Variants in ROR1 observed in about 807,000 individuals in gnomAD.
ROR1 encodes the protein inactive tyrosine-protein kinase transmembrane receptor ROR1.
Under a neutral mutation model 78.8 loss-of-function variants are expected in ROR1, and 19 were observed. The ratio of observed to expected loss-of-function variants is 0.24; its 90% CI spans 0.17 to 0.35. The LOEUF (loss-of-function observed/expected upper bound fraction) is 0.35, where lower values mean the gene tolerates loss of function less well. Ranked by LOEUF, ROR1 falls within the 10% of genes least tolerant of loss-of-function variation. The pLI is 1.00. For synonymous variants in ROR1, 386 were observed against 433.6 expected (o/e 0.89, Z 1.36); for missense variants, 917 against 1,177.8 (o/e 0.78, Z 3.24).
chr1:64,012,365 G>A (rs930372512), intron 2 of ROR1, among the ~76,000 whole-genome samples: 3 of 152,188 alleles, frequency 2.0e-5, no homozygotes, highest in African/African-American at 7.2e-5. Flanking sequence ...CAAAACCTCA[G>A]CCTGTACTAC....
At chr1:63,854,425 AT>A (rs1342179217) in intron 1 of ROR1, among the ~76,000 whole-genome samples, 2 of 152,102 alleles carry the variant, frequency 1.3e-5, no homozygotes, top group African/African-American at 4.8e-5. Context: ...TTTTCTACAT[AT>A]TTTCCAACAG....
chr1:63,819,638 A>G (rs1388746080), intron 1 of ROR1, among the ~76,000 whole-genome samples: 2 of 152,214 alleles, frequency 1.3e-5, no homozygotes, highest in African/African-American at 4.8e-5. Context: ...GAAAGGCAGT[A>G]GAGAGAAGAA....
intron 1 of ROR1, among the ~76,000 whole-genome samples, chr1:63,799,443 G>A (rs1644782104): frequency 6.6e-6 from 1 of 152,196 alleles, no homozygotes; most frequent in Admixed American, 6.5e-5. Flanking sequence ...AGAATTCCAT[G>A]TTATCACTTG....
Position 63,993,293 on chromosome 1 carries a change from T to C in ROR1, c.92-16012T>C, listed in dbSNP as rs77776378. Among the ~76,000 whole-genome samples the C allele has an allele frequency of 5.7e-3, 872 of 152,272 alleles. 10 individuals are homozygous for C. The highest frequency in any genetic ancestry group is 0.02 in the African/African-American group (844 of 41,558). ...GGGCATACCTCAGAAGAAACACTTG[T>C]CATTTGACAGAGGAATCTTTGAGAA... On this transcript the variant is annotated intron_variant, in intron 1 of 8. Transcript: ENST00000371079.
chr1:64,091,872 G>A (rs958840640), intron 4 of ROR1, among the ~76,000 whole-genome samples: 6 of 152,142 alleles, frequency 3.9e-5, no homozygotes, highest in Admixed American at 3.3e-4. Context: ...GAAGCGATGG[G>A]TATGAGCAGT....
intron 1 of ROR1, among the ~76,000 whole-genome samples, chr1:63,795,494 T>G (rs1644754947): frequency 6.6e-6 from 1 of 152,190 alleles, no homozygotes; most frequent in Non-Finnish European, 1.5e-5. Flanking sequence ...GATCTGACAC[T>G]GGGTCAGGGA....
At chr1:63,999,506 C>T (rs957841184) in intron 1 of ROR1, among the ~76,000 whole-genome samples, 2 of 152,156 alleles carry the variant, frequency 1.3e-5, no homozygotes, top group African/African-American at 4.8e-5. Context: ...TTTGTCCTTC[C>T]CAGGCCCCTA....
intron 1 of ROR1, among the ~76,000 whole-genome samples, chr1:63,920,907 GT>G (rs1297964027): frequency 3.3e-5 from 5 of 152,174 alleles, no homozygotes; most frequent in Non-Finnish European, 7.3e-5. Flanking sequence ...TAGTAAGAAT[GT>G]TGGACACTTG....
chr1:63,959,473 T>C (rs1646010709), intron 1 of ROR1, among the ~76,000 whole-genome samples: 2 of 152,178 alleles, frequency 1.3e-5, no homozygotes, highest in African/African-American at 4.8e-5. Flanking sequence ...AGAGCAGAGA[T>C]GTGCAATGGC....
chr1:63,834,618 G>A (rs986185348), intron 1 of ROR1, among the ~76,000 whole-genome samples: 2 of 152,134 alleles, frequency 1.3e-5, no homozygotes, highest in Non-Finnish European at 2.9e-5. Flanking sequence ...CTCTTAAAAT[G>A]GATTTTTCCA....
In ROR1 at chr1:63,909,325, A is replaced by G. The variant is rs148324128; in HGVS notation, c.92-99980A>G. Reference sequence around the variant, plus strand: ...GTAAGTACTTACAAACAAAAATTCAATTGCTTTTAGTGAATGGATTTTATT... The same window carrying G: ...GTAAGTACTTACAAACAAAAATTCAGTTGCTTTTAGTGAATGGATTTTATT... On this transcript the variant is annotated intron_variant, in intron 1 of 8. Transcript: ENST00000371079. Among the ~76,000 whole-genome samples, 1,394 of 152,256 alleles carry G rather than the reference A, an allele frequency of 9.2e-3. 28 individuals are homozygous for G. Among genetic ancestry groups the G allele is most frequent in the African/African-American group, 0.031 (1,268 of 41,530 alleles).
At chr1:63,846,744 G>C (rs1645084202) in intron 1 of ROR1, among the ~76,000 whole-genome samples, 1 of 152,212 alleles carries the variant, frequency 6.6e-6, no homozygotes, top group Admixed American at 6.5e-5. Flanking sequence ...GTGATGTAAA[G>C]TTATAAATGC....
At chr1:64,132,641 T>A (rs1352029740) in intron 4 of ROR1, among the ~76,000 whole-genome samples, 1 of 150,872 alleles carries the variant, frequency 6.6e-6, no homozygotes, top group East Asian at 2.0e-4. Context: ...ACGCCTCTAA[T>A]CCCAGCTACT....
intron 1 of ROR1, among the ~76,000 whole-genome samples, chr1:63,867,989 G>A (rs943840917): frequency 1.3e-5 from 2 of 152,184 alleles, no homozygotes; most frequent in South Asian, 2.1e-4. Context: ...AGGGCCACAC[G>A]CCTTGGCACC....
Position 64,058,697 on chromosome 1 carries a change from G to T in ROR1, c.482+7981G>T, listed in dbSNP as rs894290936. On this transcript the variant is annotated intron_variant, in intron 4 of 8. Coordinates refer to ENST00000371079, the MANE Select transcript of ROR1 (RefSeq NM_005012.4). ...TTAGAATAATTCCTACTTGGCCATG[G>T]TATATAATTTCTTCTTATCTTTTGC... is the stretch of plus-strand genomic sequence containing the variant. Among the ~76,000 whole-genome samples the T allele has an allele frequency of 4.6e-5, 7 of 151,746 alleles. No individual in the cohort carries two copies. The Middle Eastern group carries it at 0.01, about 221-fold the overall frequency.
chr1:64,155,825 AC>A (rs1363781884), intron 7 of ROR1, among the ~76,000 whole-genome samples: 1 of 152,082 alleles, frequency 6.6e-6, no homozygotes, highest in African/African-American at 2.4e-5. Flanking sequence ...CAGAGACTTT[AC>A]CCCCCTAGGG....
chr1:63,927,465 A>C (rs1400574946), intron 1 of ROR1, among the ~76,000 whole-genome samples: 2 of 150,278 alleles, frequency 1.3e-5, no homozygotes, highest in East Asian at 3.9e-4. Context: ...ATTGGTCTAA[A>C]ATTCTCTTTT....
rs769273584 is a variant in ROR1, at chr1:64,177,733, C to G, written c.1692C>G (p.Leu564=). The change falls in exon 9 of 9, where the codon CTC becomes CTG. Residue 564 remains leucine, a synonymous_variant. Transcript: ENST00000371079. ...YINQGDLHEF[L]IMRSPHSDVG... ...ATCAGGGGGATCTCCATGAGTTCCT[C>G]ATCATGAGATCCCCACACTCTGATG... The G allele has an allele frequency of 1.6e-5, 26 of 1,614,060 alleles. 1 individual carries two copies. Among genetic ancestry groups the G allele is most frequent in the Non-Finnish European group, 2.2e-5 (26 of 1,180,036 alleles).
chr1:64,041,016 A>G (rs1358482158), intron 2 of ROR1, among the ~76,000 whole-genome samples: 1 of 152,168 alleles, frequency 6.6e-6, no homozygotes, highest in African/African-American at 2.4e-5. Flanking sequence ...GTCTCAAGTC[A>G]ATTAATAGTG....
Sources: gnomAD v4.1 joint callset for allele counts (sites outside exome capture counted in the v4.1 genomes callset) on GRCh38, gnomAD v4.1.1 for gene constraint, MANE v1.5 for transcripts, NCBI Gene and HGNC (gene_info 2026-07-23, HGNC 2026-07-21) for gene names.